APPL1: variants seen among roughly 807,000 people sequenced by gnomAD.
APPL1 encodes the protein adaptor protein, phosphotyrosine interacting with PH domain and leucine zipper 1, also known as DCC-interacting protein 13-alpha.
Under a neutral mutation model 106.8 loss-of-function variants are expected in APPL1, and 42 were observed. The observed-to-expected ratio is 0.39, with a 90% CI of 0.31 to 0.51. The LOEUF is 0.51. APPL1 is among the 20% of genes least tolerant of loss of function. The pLI is 0.75. For missense variants in APPL1, 769 were observed against 858.2 expected (o/e 0.90, Z 1.30); for synonymous variants, 263 against 281.8 (o/e 0.93, Z 0.67).
intron 1 of APPL1, among the ~76,000 whole-genome samples, chr3:57,235,083 T>C (rs1160406641): frequency 1.3e-5 from 2 of 152,200 alleles, no homozygotes; most frequent in Admixed American, 6.5e-5. Flanking sequence ...AAAAACCTAG[T>C]TAGCATTTTA....
intron 4 of APPL1, among the ~76,000 whole-genome samples, chr3:57,238,460 T>G (rs1246059722): frequency 1.3e-5 from 2 of 152,240 alleles, no homozygotes; most frequent in Admixed American, 1.3e-4. Flanking sequence ...TTTTACTGTT[T>G]AGTCTTTATT....
intron 11 of APPL1, among the ~76,000 whole-genome samples, chr3:57,250,804 C>CTTTTTTT (rs71088045): frequency 2.2e-4 from 24 of 110,278 alleles, no homozygotes; most frequent in South Asian, 3.1e-4. Context: ...AACTTTCTTT[C>CTTTTTTT]TTTTTTTTTT....
At position 57,242,159 on chromosome 3, in the gene APPL1, GCA is replaced by G. The variant is rs777780641; in HGVS notation, c.415+21_415+22del. ...CAAGTAATGGTAAGCCCTATAATTTGCACACTTATTTCTTGCAGTGATGTATT... is the reference window on the plus strand; with the variant it reads ...CAAGTAATGGTAAGCCCTATAATTTGCACTTATTTCTTGCAGTGATGTATT... On this transcript the variant is annotated intron_variant, in intron 6 of 21. Coordinates refer to ENST00000288266, the MANE Select transcript of APPL1 (RefSeq NM_012096.3). 4 of 1,576,380 alleles carry G rather than the reference GCA, an allele frequency of 2.5e-6. No homozygotes were observed. In the African/African-American group the frequency reaches 4.1e-5, roughly 16 times the overall value.
intron 2 of APPL1, among the ~76,000 whole-genome samples, chr3:57,237,274 C>A (rs1187666820): frequency 6.6e-6 from 1 of 152,068 alleles, no homozygotes; most frequent in African/African-American, 2.4e-5. Context: ...AAACAAACAC[C>A]AGGAACACTG....
At chr3:57,269,262 TGA>T in intron 21 of APPL1, 1 of 312,426 alleles carries the variant, frequency 3.2e-6, no homozygotes, top group Non-Finnish European at 5.9e-6. Flanking sequence ...TAATATATAG[TGA>T]GAGATGATTG....
intron 21 of APPL1, chr3:57,269,312 A>G (rs948699911): frequency 6.8e-6 from 3 of 440,842 alleles, no homozygotes; most frequent in Non-Finnish European, 1.2e-5. Flanking sequence ...ATAAAAAAAG[A>G]AAGATAAAAT....
intron 19 of APPL1, among the ~76,000 whole-genome samples, chr3:57,264,850 C>G (rs1559514802): frequency 6.8e-6 from 1 of 147,312 alleles, no homozygotes. Flanking sequence ...TACTATAGCT[C>G]TGTAGCATTG....
chr3:57,242,790 C>A, intron 6 of APPL1, 66 bp from the exon 7 acceptor site: 1 of 1,192,860 alleles, frequency 8.4e-7, no homozygotes. Context: ...ATGTGAAGAC[C>A]ATTGAAAGCA....
rs948176239 is a variant in APPL1, at chr3:57,257,029, G to A, written c.1225G>A (p.Glu409Lys). Residue 409 changes from glutamate (E) to lysine (K), a missense_variant, in exon 14 of 22, where the codon GAG (glutamate) becomes AAG (lysine). Coordinates refer to ENST00000288266, the MANE Select transcript of APPL1 (RefSeq NM_012096.3). Reference sequence around the variant, plus strand: ...TTCCCCATCTTTCCAGCAGAGGCACGAGAGCCTGCGGCCAGCAGCAGGGTA... The same window carrying A: ...TTCCCCATCTTTCCAGCAGAGGCACAAGAGCCTGCGGCCAGCAGCAGGGTA... ...TPSPSFQQRH[E>K]SLRPAAGQSR... The A allele has an allele frequency of 8.7e-6, 14 of 1,614,026 alleles. No homozygotes were observed. The highest frequency in any genetic ancestry group is 1.0e-5 in the Non-Finnish European group (12 of 1,180,042).
intron 19 of APPL1, among the ~76,000 whole-genome samples, chr3:57,261,277 G>C (rs1400673439): frequency 6.6e-6 from 1 of 152,146 alleles, no homozygotes; most frequent in East Asian, 1.9e-4. Context: ...ACGTTGTTGT[G>C]AATGACATGA....
intron 18 of APPL1, 43 bp from the exon 19 acceptor site, chr3:57,260,585 A>C: frequency 6.4e-7 from 1 of 1,562,312 alleles, no homozygotes; most frequent in Non-Finnish European, 8.7e-7. Flanking sequence ...TGCTGTAATG[A>C]CTTGTAAGAT....
At chr3:57,234,854 A>T (rs1414744637) in intron 1 of APPL1, among the ~76,000 whole-genome samples, 4 of 151,430 alleles carry the variant, frequency 2.6e-5, no homozygotes, top group African/African-American at 9.7e-5. Flanking sequence ...ACGGGGTTTC[A>T]CTGTGTTAAC....
At chr3:57,242,739 G>T in intron 6 of APPL1, 117 bp from the exon 7 acceptor site, 1 of 730,528 alleles carries the variant, frequency 1.4e-6, no homozygotes. Flanking sequence ...TGGTCATGTG[G>T]TAGGAAATTC....
At position 57,227,736 on chromosome 3, in the gene APPL1, C is replaced by A. The variant is rs1296319910; in HGVS notation, c.-148C>A. 3.2e-6 allele frequency: 2 copies of A among 619,966 alleles called. No homozygotes were observed. The highest frequency in any genetic ancestry group is 1.9e-5 in the African/African-American group (1 of 51,314). 38.4% of individuals were successfully genotyped at this position (619,966 alleles called of 1,614,324 possible). On this transcript the variant is annotated 5_prime_UTR_variant, in exon 1 of 22. Transcript: ENST00000288266. ...GAGGGGGCGGGATTTCCCGCACGGCCGCTCGGCGCCTGGAGAAGGCTGTGC... is the reference window on the plus strand; with the variant it reads ...GAGGGGGCGGGATTTCCCGCACGGCAGCTCGGCGCCTGGAGAAGGCTGTGC...
chr3:57,249,295 G>C, intron 10 of APPL1, 65 bp from the exon 11 acceptor site: 1 of 1,556,368 alleles, frequency 6.4e-7, no homozygotes, highest in Non-Finnish European at 8.8e-7. Flanking sequence ...TTTATCTTGT[G>C]TCTAGCTGAT....
intron 20 of APPL1, 196 bp downstream of exon 20, chr3:57,267,988 A>G: frequency 1.7e-6 from 1 of 601,428 alleles, no homozygotes. Context: ...GCTACTGAGG[A>G]GGTCTGAGGC....
chr3:57,230,650 A>G, intron 1 of APPL1: 1 of 282,732 alleles, frequency 3.5e-6, no homozygotes, highest in South Asian at 3.2e-5. Context: ...TGCTTTTATA[A>G]ATAGGGCTGA....
intron 8 of APPL1, among the ~76,000 whole-genome samples, 163 bp downstream of exon 8, chr3:57,246,385 G>A (rs1389287578): frequency 1.3e-5 from 2 of 152,150 alleles, no homozygotes; most frequent in African/African-American, 4.8e-5. Flanking sequence ...ATTATTTTAA[G>A]GAAGTTAGGA....
chr3:57,236,111 C>T (rs1018368520), intron 2 of APPL1, among the ~76,000 whole-genome samples: 1 of 145,440 alleles, frequency 6.9e-6, no homozygotes, highest in East Asian at 2.0e-4. Context: ...GTAGTGTGAT[C>T]TTGGGTCACC....
Sources: gnomAD v4.1 joint callset for allele counts (sites outside exome capture counted in the v4.1 genomes callset) on GRCh38, gnomAD v4.1.1 for gene constraint, MANE v1.5 for transcripts, NCBI Gene and HGNC (gene_info 2026-07-23, HGNC 2026-07-21) for gene names.